Variants in SHROOM3 observed in about 807,000 individuals in gnomAD.
The protein encoded by SHROOM3 is shroom family member 3.
SHROOM3 carries 47 observed loss-of-function variants against 138.6 expected under a neutral mutation model. The observed-to-expected ratio is 0.34, with a 90% CI of 0.27 to 0.43. The LOEUF (loss-of-function observed/expected upper bound fraction) is 0.43. Among genes scored for constraint, SHROOM3 ranks in the 20% least tolerant of loss-of-function variants. The pLI, the probability that SHROOM3 is intolerant of heterozygous loss-of-function variation, is 1.00. For synonymous variants in SHROOM3, 1,062 were observed against 1,063.3 expected, an observed-to-expected ratio of 1.00 and a Z score of 0.02; for missense variants, 2,491 against 2,596.5, an observed-to-expected ratio of 0.96 and a Z score of 0.88.
intron 10 of SHROOM3, among the ~76,000 whole-genome samples, chr4:76,775,009 T>C (rs182859529): frequency 9.9e-5 from 15 of 152,240 alleles, no homozygotes; most frequent in Admixed American, 2.6e-4. Flanking sequence ...TTTTGTTACA[T>C]TGATAAATTC....
At chr4:76,755,881 C>T (rs551304986) in intron 7 of SHROOM3, among the ~76,000 whole-genome samples, 1 of 152,330 alleles carries the variant, frequency 6.6e-6, no homozygotes, top group African/African-American at 2.4e-5. Flanking sequence ...GTCCCTAGAA[C>T]AAGTAATCTC....
At chr4:76,452,249 C>T (rs1357119378) in intron 1 of SHROOM3, among the ~76,000 whole-genome samples, 3 of 152,182 alleles carry the variant, frequency 2.0e-5, no homozygotes, top group Non-Finnish European at 4.4e-5. Context: ...ACCATTTTAG[C>T]CATTTTTAAG....
At position 76,699,605 on chromosome 4, in the gene SHROOM3, G is replaced by A. The variant is rs111482877; in HGVS notation, c.324-10551G>A. On this transcript the variant is annotated intron_variant, in intron 2 of 10. Coordinates refer to ENST00000296043, the MANE Select transcript of SHROOM3 (RefSeq NM_020859.4). ...TTTTAGAGGGTCTACTTAACCATCC[G>A]TGCTCCCTTCCCTGATGTTTTGTGG... Among the ~76,000 whole-genome samples the A allele has an allele frequency of 2.4e-3, 372 of 152,244 alleles. 1 individual carries two copies. Among genetic ancestry groups the A allele is most frequent in the Middle Eastern group, 0.017 (5 of 294 alleles).
chr4:76,520,637 G>T (rs1408893572), intron 1 of SHROOM3, among the ~76,000 whole-genome samples: 1 of 152,156 alleles, frequency 6.6e-6, no homozygotes, highest in Non-Finnish European at 1.5e-5. Flanking sequence ...TTTGCTAGGT[G>T]ACACTACTCT....
chr4:76,762,215 T>G (rs997299304), intron 9 of SHROOM3, among the ~76,000 whole-genome samples: 1 of 152,236 alleles, frequency 6.6e-6, no homozygotes, highest in Non-Finnish European at 1.5e-5. Flanking sequence ...TGGGGTCAAA[T>G]TAACTGACAT....
chr4:76,650,105 A>G (rs1013542748), intron 2 of SHROOM3, among the ~76,000 whole-genome samples: 1 of 152,180 alleles, frequency 6.6e-6, no homozygotes, highest in African/African-American at 2.4e-5. Flanking sequence ...TTATAATGAT[A>G]TTAATCCTAT....
At chr4:76,561,386 A>G (rs1003737900) in intron 2 of SHROOM3, among the ~76,000 whole-genome samples, 6 of 152,170 alleles carry the variant, frequency 3.9e-5, no homozygotes, top group Admixed American at 1.3e-4. Context: ...TGCCTAAAAT[A>G]TGTATATGCC....
chr4:76,439,829 C>A (rs922840303), intron 1 of SHROOM3, among the ~76,000 whole-genome samples: 1 of 152,114 alleles, frequency 6.6e-6, no homozygotes, highest in Non-Finnish European at 1.5e-5. Flanking sequence ...AAAGGATCTA[C>A]AAAGGGTAAC....
intron 2 of SHROOM3, chr4:76,628,984 G>T (rs1735231685): frequency 6.6e-6 from 1 of 152,198 alleles, no homozygotes; most frequent in African/African-American, 2.4e-5. Flanking sequence ...GGGACTACAG[G>T]TGTGTGCCAC....
chr4:76,455,501 A>G (rs1731009837), intron 1 of SHROOM3, among the ~76,000 whole-genome samples: 1 of 152,072 alleles, frequency 6.6e-6, no homozygotes, highest in Non-Finnish European at 1.5e-5. Context: ...AACTTCATTA[A>G]TTAAAATGAT....
intron 9 of SHROOM3, among the ~76,000 whole-genome samples, chr4:76,765,511 G>A (rs538942497): frequency 5.9e-5 from 9 of 152,130 alleles, no homozygotes; most frequent in Middle Eastern, 3.4e-3. Flanking sequence ...GCTTTATCTC[G>A]TCCTAGTTTT....
intron 3 of SHROOM3, among the ~76,000 whole-genome samples, chr4:76,720,326 G>A (rs936985750): frequency 1.3e-5 from 2 of 151,800 alleles, no homozygotes; most frequent in African/African-American, 4.8e-5. Flanking sequence ...TTCGTGTTTT[G>A]AAAGATTCTT....
chr4:76,711,712 A>G (rs1389509345), intron 3 of SHROOM3, among the ~76,000 whole-genome samples: 1 of 152,184 alleles, frequency 6.6e-6, no homozygotes, highest in Non-Finnish European at 1.5e-5. Flanking sequence ...GATTTATGCA[A>G]ATCCATATTG....
At chr4:76,688,524 A>G in intron 2 of SHROOM3, 1 of 985,384 alleles carries the variant, frequency 1.0e-6, no homozygotes, top group Non-Finnish European at 1.2e-6. Flanking sequence ...AGCCAATTTC[A>G]AACCTTACTG....
At chr4:76,694,195 T>C (rs180948634) in intron 2 of SHROOM3, among the ~76,000 whole-genome samples, 3 of 152,328 alleles carry the variant, frequency 2.0e-5, no homozygotes, top group Non-Finnish European at 2.9e-5. Context: ...TAAACATTTG[T>C]CAAACATTTA....
intron 2 of SHROOM3, among the ~76,000 whole-genome samples, chr4:76,690,822 A>C (rs2110107827): frequency 6.6e-6 from 1 of 152,288 alleles, no homozygotes. Flanking sequence ...ACAGAATCCT[A>C]GTCATTTGAA....
At chr4:76,657,546 T>C (rs1206205403) in intron 2 of SHROOM3, among the ~76,000 whole-genome samples, 1 of 152,232 alleles carries the variant, frequency 6.6e-6, no homozygotes, top group African/African-American at 2.4e-5. Flanking sequence ...GGAATATCTG[T>C]TACTCATTTA....
chr4:76,576,645 G>A (rs184393496), intron 2 of SHROOM3, among the ~76,000 whole-genome samples: 3 of 152,140 alleles, frequency 2.0e-5, no homozygotes, highest in East Asian at 1.9e-4. Flanking sequence ...AACTAAAATC[G>A]TGTAGTTGGG....
intron 1 of SHROOM3, among the ~76,000 whole-genome samples, chr4:76,460,399 C>T (rs375354439): frequency 1.3e-5 from 2 of 152,154 alleles, no homozygotes; most frequent in Non-Finnish European, 2.9e-5. Context: ...ACCACCGTTG[C>T]GACCTTTATG....
Sources: gnomAD v4.1 joint callset for allele counts (sites outside exome capture counted in the v4.1 genomes callset) on GRCh38, gnomAD v4.1.1 for gene constraint, MANE v1.5 for transcripts, NCBI Gene and HGNC (gene_info 2026-07-23, HGNC 2026-07-21) for gene names.